Variants in LRFN5 observed in about 807,000 individuals in gnomAD.
LRFN5 encodes the protein leucine rich repeat and fibronectin type III domain containing 5, also known as leucine-rich repeat and fibronectin type-III domain-containing protein 5.
A neutral mutation model predicts 45.6 loss-of-function variants in LRFN5; 24 were observed. The observed-to-expected ratio is 0.53, with a 90% CI of 0.38 to 0.74. LRFN5 has a LOEUF of 0.74. Among genes scored for constraint, LRFN5 ranks in the 30% least tolerant of loss-of-function variants. The probability of loss-of-function intolerance (pLI) is 0.00; values close to 1 mark genes in which losing one functional copy is unlikely to be tolerated. For synonymous variants in LRFN5, 340 were observed against 313.8 expected (o/e 1.08, Z -0.88); for missense variants, 776 against 861.5 (o/e 0.90, Z 1.24).
In LRFN5 at chr14:41,607,306, A is replaced by G. The variant is rs1887526911; in HGVS notation, c.-1453A>G. On this transcript the variant is annotated 5_prime_UTR_variant, in exon 1 of 6. Transcript: ENST00000298119. ...ATTTTGCACGGTCCGTTATATCAGA[A>G]AAAAAAAGCGCAACTGGACGGGGGT... 6.3e-5 allele frequency among the ~76,000 whole-genome samples: 3 copies of G among 47,696 alleles called. No homozygotes were observed. Among genetic ancestry groups the G allele is most frequent in the Non-Finnish European group, 1.8e-4 (3 of 16,546 alleles). The allele number at this position is 47,696 out of a possible 152,430, so 31.3% of individuals were successfully genotyped here. A position where few individuals can be genotyped will look rare whatever the true frequency, so the allele number is the denominator to read the frequency against.
At chr14:41,901,663 T>C (rs925929587) in intron 5 of LRFN5, among the ~76,000 whole-genome samples, 1 of 152,070 alleles carries the variant, frequency 6.6e-6, no homozygotes, top group Non-Finnish European at 1.5e-5. Context: ...TAAAAGCTAA[T>C]ATTGATTATG....
At chr14:41,822,208 G>A (rs180956688) in intron 2 of LRFN5, among the ~76,000 whole-genome samples, 1 of 151,846 alleles carries the variant, frequency 6.6e-6, no homozygotes, top group African/African-American at 2.4e-5. Context: ...TTTTGGGCTT[G>A]TTATGTTCTT....
At chr14:41,737,830 G>A (rs1214884376) in intron 1 of LRFN5, among the ~76,000 whole-genome samples, 10 of 151,880 alleles carry the variant, frequency 6.6e-5, no homozygotes, top group African/African-American at 2.4e-4. Flanking sequence ...ACAAACCACT[G>A]CTCAGTAAAA....
At chr14:41,837,694 T>C (rs1266647460) in intron 2 of LRFN5, among the ~76,000 whole-genome samples, 2 of 152,266 alleles carry the variant, frequency 1.3e-5, no homozygotes, top group Admixed American at 6.5e-5. Flanking sequence ...AGAGACACTT[T>C]AAAAAATGTA....
chr14:41,761,210 C>T (rs1330575898), intron 1 of LRFN5, among the ~76,000 whole-genome samples: 1 of 144,922 alleles, frequency 6.9e-6, no homozygotes, highest in African/African-American at 2.6e-5. Context: ...TACTAATGGA[C>T]AAAAGGTTTA....
intron 2 of LRFN5, among the ~76,000 whole-genome samples, chr14:41,781,577 A>T (rs1379475394): frequency 8.7e-6 from 1 of 115,358 alleles, no homozygotes; most frequent in Non-Finnish European, 1.7e-5. Flanking sequence ...AGAAAGAAAG[A>T]AAGAAAGAAA....
chr14:41,701,844 G>T (rs1882851595), intron 1 of LRFN5, among the ~76,000 whole-genome samples: 6 of 152,090 alleles, frequency 3.9e-5, no homozygotes, highest in Admixed American at 3.9e-4. Flanking sequence ...TTGGCTGATG[G>T]ATCAACAGCA....
At chr14:41,824,896 T>A (rs1005750405) in intron 2 of LRFN5, among the ~76,000 whole-genome samples, 1 of 152,088 alleles carries the variant, frequency 6.6e-6, no homozygotes, top group African/African-American at 2.4e-5. Flanking sequence ...TAGCTCCAAG[T>A]CCCGGGCAAG....
At chr14:41,882,104 T>C (rs1340382092) in intron 2 of LRFN5, among the ~76,000 whole-genome samples, 1 of 152,212 alleles carries the variant, frequency 6.6e-6, no homozygotes, top group African/African-American at 2.4e-5. Flanking sequence ...TGGAGCTCTA[T>C]TTCTATTTTA....
At chr14:41,612,151 G>C (rs1594548141) in intron 1 of LRFN5, among the ~76,000 whole-genome samples, 1 of 152,104 alleles carries the variant, frequency 6.6e-6, no homozygotes, top group Non-Finnish European at 1.5e-5. Context: ...TTGAGATCTT[G>C]CTTTCTGCTG....
At chr14:41,677,641 T>C (rs1403757174) in intron 1 of LRFN5, among the ~76,000 whole-genome samples, 1 of 152,084 alleles carries the variant, frequency 6.6e-6, no homozygotes, top group African/African-American at 2.4e-5. Context: ...TAACAGTAGA[T>C]TAGAGTTTGT....
intron 2 of LRFN5, among the ~76,000 whole-genome samples, chr14:41,788,516 T>C (rs935160101): frequency 6.6e-6 from 1 of 151,834 alleles, no homozygotes; most frequent in African/African-American, 2.4e-5. Context: ...TTTCCTCTAT[T>C]TACATAAAAG....
chr14:41,781,514 G>T (rs1401158360), intron 2 of LRFN5, among the ~76,000 whole-genome samples: 1 of 147,868 alleles, frequency 6.8e-6, no homozygotes, highest in African/African-American at 2.5e-5. Flanking sequence ...GAGGGAGGAA[G>T]GGAGGGAGGG....
chr14:41,770,754 G>A (rs1259648167), intron 2 of LRFN5, among the ~76,000 whole-genome samples: 3 of 152,122 alleles, frequency 2.0e-5, no homozygotes, highest in Non-Finnish European at 2.9e-5. Context: ...GAGGGTTCAA[G>A]CTGCCAGTGA....
chr14:41,712,690 T>A (rs1883334970), intron 1 of LRFN5, among the ~76,000 whole-genome samples: 1 of 152,168 alleles, frequency 6.6e-6, no homozygotes, highest in African/African-American at 2.4e-5. Context: ...TACTATGAAG[T>A]TTGCATAAGA....
At chr14:41,636,901 T>C (rs1415384487) in intron 1 of LRFN5, among the ~76,000 whole-genome samples, 1 of 152,164 alleles carries the variant, frequency 6.6e-6, no homozygotes, top group Non-Finnish European at 1.5e-5. Flanking sequence ...GGGACCCCCC[T>C]AGAGGCAGAC....
At chr14:41,828,581 C>CA (rs1444623873) in intron 2 of LRFN5, among the ~76,000 whole-genome samples, 2 of 151,936 alleles carry the variant, frequency 1.3e-5, no homozygotes, top group Non-Finnish European at 2.9e-5. Flanking sequence ...TAGTATTCCT[C>CA]AAGTCAGAAA....
chr14:41,669,152 TG>T (rs1881044311), intron 1 of LRFN5, among the ~76,000 whole-genome samples: 1 of 151,924 alleles, frequency 6.6e-6, no homozygotes, highest in Admixed American at 6.6e-5. Context: ...CATAAACCAA[TG>T]TGAAGAGGTA....
intron 5 of LRFN5, among the ~76,000 whole-genome samples, chr14:41,903,475 T>C (rs1041457292): frequency 6.6e-6 from 1 of 151,376 alleles, no homozygotes; most frequent in Non-Finnish European, 1.5e-5. Flanking sequence ...AAGAATAGAC[T>C]TCATTAGACA....
Sources: allele counts gnomAD v4.1 joint callset (sites outside exome capture counted in the v4.1 genomes callset), GRCh38; gene constraint gnomAD v4.1.1; transcripts MANE v1.5; gene names NCBI Gene and HGNC (gene_info 2026-07-23, HGNC 2026-07-21).